The following STAU2 variants were observed in gnomAD, a reference collection of about 807,000 sequenced individuals.
STAU2 encodes the protein double-stranded RNA-binding protein Staufen homolog 2.
STAU2 carries 20 observed loss-of-function variants against 65.9 expected under a neutral mutation model. That is an observed-to-expected ratio of 0.30 (90% confidence interval 0.21 to 0.44). The LOEUF is 0.44. STAU2 is among the 20% of genes least tolerant of loss of function. The probability of loss-of-function intolerance (pLI) is 1.00; values close to 1 mark genes in which losing one functional copy is unlikely to be tolerated. For missense variants in STAU2, 558 were observed against 683.9 expected (o/e 0.82, Z 2.05); for synonymous variants, 232 against 233.9 (o/e 0.99, Z 0.07).
At chr8:73,556,035 A>G (rs1807737194) in intron 12 of STAU2, among the ~76,000 whole-genome samples, 2 of 152,188 alleles carry the variant, frequency 1.3e-5, no homozygotes, top group African/African-American at 4.8e-5. Context: ...TGCTTTAAAG[A>G]TATGTTTTTA....
intron 10 of STAU2, among the ~76,000 whole-genome samples, chr8:73,597,448 G>T (rs1346803540): frequency 2.0e-5 from 3 of 150,928 alleles, no homozygotes; most frequent in Non-Finnish European, 2.9e-5. Flanking sequence ...GAGGTCAGGA[G>T]TTGGAGGCCA....
intron 1 of STAU2, among the ~76,000 whole-genome samples, chr8:73,740,834 C>G (rs1806801538): frequency 2.0e-5 from 3 of 151,926 alleles, no homozygotes; most frequent in Admixed American, 2.0e-4. Context: ...AACCCTGTCT[C>G]TACTAAAAAT....
chr8:73,673,126 G>A lies in STAU2; in HGVS notation c.391C>T (p.Arg131Trp), dbSNP rs772107340. 4.4e-6 allele frequency: 7 copies of A among 1,587,706 alleles called. No individual in the cohort carries two copies. Among genetic ancestry groups the A allele is most frequent in the Middle Eastern group, 1.7e-4 (1 of 5,944 alleles). ...FPNYRANYNF[R>W]GMYNQRYHCP... Reference sequence around the variant, plus strand: ...ACAAACCTCTGATTGTACATGCCCCGAAAGTTGTAATTAGCTCTATAATTT... The same window carrying A: ...ACAAACCTCTGATTGTACATGCCCCAAAAGTTGTAATTAGCTCTATAATTT... Residue 131 changes from arginine (R) to tryptophan (W), a missense_variant, in exon 6 of 15, where the codon CGG becomes TGG. Physicochemically the swap from Arg to Trp is moderately radical, Grantham distance 101. Transcript: ENST00000524300.
At chr8:73,591,254 A>C (rs763639892) in intron 11 of STAU2, among the ~76,000 whole-genome samples, 4 of 152,158 alleles carry the variant, frequency 2.6e-5, no homozygotes, top group Non-Finnish European at 5.9e-5. Context: ...AGGAGGTCAG[A>C]GAAACTTAGA....
intron 3 of STAU2, among the ~76,000 whole-genome samples, chr8:73,737,895 CT>C (rs1806557866): frequency 6.9e-6 from 1 of 145,628 alleles, no homozygotes; most frequent in African/African-American, 2.5e-5. Flanking sequence ...GGAAAGTGAA[CT>C]TTAAAAAAAA....
chr8:73,580,846 G>C (rs1445877501), intron 12 of STAU2, among the ~76,000 whole-genome samples: 2 of 152,152 alleles, frequency 1.3e-5, no homozygotes, highest in Non-Finnish European at 2.9e-5. Context: ...AACTCTTAGA[G>C]CAGCTTTCTC....
At chr8:73,679,576 C>A (rs1454606649) in intron 5 of STAU2, among the ~76,000 whole-genome samples, 1 of 151,196 alleles carries the variant, frequency 6.6e-6, no homozygotes, top group Non-Finnish European at 1.5e-5. Context: ...GAGAGCTGAG[C>A]GAAATATAAA....
rs192529961 is a variant in STAU2, at chr8:73,665,011, T to G, written c.410+8096A>C. 3.1e-3 allele frequency among the ~76,000 whole-genome samples: 470 copies of G among 152,208 alleles called. 1 individual carries two copies. Among genetic ancestry groups the G allele is most frequent in the African/African-American group, 0.011 (444 of 41,530 alleles). On this transcript the variant is annotated intron_variant, in intron 6 of 14. Coordinates refer to ENST00000524300, the MANE Select transcript of STAU2 (RefSeq NM_001164380.2). ...TCTCAAAAAATAATAATAATAATTT[T>G]TATATCTGTGACCATGGGGGATACT...
intron 12 of STAU2, among the ~76,000 whole-genome samples, chr8:73,559,981 T>C (rs1808080992): frequency 1.3e-5 from 2 of 151,336 alleles, no homozygotes; most frequent in Non-Finnish European, 2.9e-5. Context: ...AAAAAATAGG[T>C]AAATAATTTG....
intron 3 of STAU2, among the ~76,000 whole-genome samples, chr8:73,721,116 C>CAAAAAAAAAA (rs1159562570): frequency 2.3e-5 from 1 of 43,670 alleles, no homozygotes; most frequent in African/African-American, 8.0e-5. Context: ...CCCAACACTA[C>CAAAAAAAAAA]AAAAAAAAAA....
At chr8:73,668,954 C>G (rs1817449147) in intron 6 of STAU2, 1 of 672,842 alleles carries the variant, frequency 1.5e-6, no homozygotes. Flanking sequence ...ATAAAAGGAC[C>G]TTTTCAAAAA....
chr8:73,453,260 T>A (rs1199852246), intron 13 of STAU2, among the ~76,000 whole-genome samples: 4 of 152,042 alleles, frequency 2.6e-5, no homozygotes, highest in Admixed American at 1.3e-4. Flanking sequence ...AAAAAAGAGG[T>A]TGGCAATTAT....
rs185896220 is a variant in STAU2 at position 73,603,706 on chromosome 8, T to C, written c.1029+20A>G. The C allele has an allele frequency of 1.0e-4, 166 of 1,605,648 alleles. 1 individual carries two copies. The African/African-American group carries it at 1.9e-3, about 19-fold the overall frequency. ...GGGGATTTCTAAATCTTTTCAATAG[T>C]TTTAAAAGGTTAGAAATACCTGCAT... On this transcript the variant is annotated intron_variant, in intron 10 of 14. Coordinates refer to ENST00000524300, the MANE Select transcript of STAU2 (RefSeq NM_001164380.2).
At chr8:73,673,350 G>T in intron 5 of STAU2, 108 bp from the exon 6 acceptor site, 1 of 1,093,276 alleles carries the variant, frequency 9.1e-7, no homozygotes, top group Non-Finnish European at 1.2e-6. Context: ...GGTAAGAATG[G>T]ATGGACCACC....
chr8:73,584,857 AAGATTTTGAAAAGC>A (rs1420337171), intron 11 of STAU2, among the ~76,000 whole-genome samples: 1 of 152,226 alleles, frequency 6.6e-6, no homozygotes, highest in Non-Finnish European at 1.5e-5. Flanking sequence ...AGAAATTTAA[AAGATTTTGAAAAGC>A]AGCTAAAATA....
chr8:73,578,484 T>C lies in STAU2; in HGVS notation c.1222+4286A>G, dbSNP rs183919508. 1.2e-3 allele frequency among the ~76,000 whole-genome samples: 182 copies of C among 152,314 alleles called. 1 individual carries two copies. Among genetic ancestry groups the C allele is most frequent in the South Asian group, 8.9e-3 (43 of 4,822 alleles). On this transcript the variant is annotated intron_variant, in intron 12 of 14. Transcript: ENST00000524300. ...GGTAGGTCTAATATACAGTCATCAATGTAAAAGAAGGATGATATCATTCTG... is the reference window on the plus strand; with the variant it reads ...GGTAGGTCTAATATACAGTCATCAACGTAAAAGAAGGATGATATCATTCTG...
intron 6 of STAU2, among the ~76,000 whole-genome samples, chr8:73,667,366 A>C (rs2130368882): frequency 6.6e-6 from 1 of 152,284 alleles, no homozygotes; most frequent in Admixed American, 6.5e-5. Flanking sequence ...TGGCATGGAC[A>C]ATTCAGGACA....
rs181408428 is a variant in STAU2 at position 73,576,785 on chromosome 8, G to A, written c.1222+5985C>T. Among the ~76,000 whole-genome samples the A allele has an allele frequency of 8.9e-4, 136 of 152,228 alleles. 1 individual carries two copies. Among genetic ancestry groups the A allele is most frequent in the African/African-American group, 3.1e-3 (129 of 41,546 alleles). ...CTCCATCTTTCTAGACAAACTGAAT[G>A]AGTAATTAGGAGCATTACCTTTATT... is the stretch of plus-strand genomic sequence containing the variant. On this transcript the variant is annotated intron_variant, in intron 12 of 14. Transcript: ENST00000524300.
At chr8:73,722,309 GA>G (rs1042990024) in intron 3 of STAU2, among the ~76,000 whole-genome samples, 1 of 151,904 alleles carries the variant, frequency 6.6e-6, no homozygotes, top group Non-Finnish European at 1.5e-5. Flanking sequence ...TAACTGATAA[GA>G]AAAAAAATCT....
Sources: allele counts gnomAD v4.1 joint callset (sites outside exome capture counted in the v4.1 genomes callset), GRCh38; gene constraint gnomAD v4.1.1; transcripts MANE v1.5; gene names NCBI Gene and HGNC (gene_info 2026-07-23, HGNC 2026-07-21).